The following SKA2 variants were observed in gnomAD, a reference collection of about 807,000 sequenced individuals.
SKA2 encodes the protein spindle and kinetochore-associated protein 2.
Under a neutral mutation model 16.9 loss-of-function variants are expected in SKA2, and 13 were observed. The ratio of observed to expected loss-of-function variants is 0.77; its 90% CI spans 0.50 to 1.22. The LOEUF (loss-of-function observed/expected upper bound fraction) is 1.22. Among genes scored for constraint, SKA2 ranks in the 50% most tolerant of loss-of-function variants. SKA2 has a pLI of 0.00. For synonymous variants in SKA2, 47 were observed against 48.5 expected, an observed-to-expected ratio of 0.97 and a Z score of 0.13; for missense variants, 107 against 139.7, an observed-to-expected ratio of 0.77 and a Z score of 1.18.
At chr17:59,139,771 G>GTTTA (rs1025038361) in intron 1 of SKA2, among the ~76,000 whole-genome samples, 3 of 152,102 alleles carry the variant, frequency 2.0e-5, no homozygotes, top group African/African-American at 4.8e-5. Flanking sequence ...TTTAATCTAT[G>GTTTA]TTTACATGGT....
chr17:59,123,580 G>C (rs960919912), intron 2 of SKA2, among the ~76,000 whole-genome samples: 1 of 151,026 alleles, frequency 6.6e-6, no homozygotes, highest in Non-Finnish European at 1.5e-5. Context: ...AAAAAAGTTA[G>C]AATCTTACTC....
chr17:59,137,451 T>G (rs539862961), intron 1 of SKA2, among the ~76,000 whole-genome samples: 1 of 152,200 alleles, frequency 6.6e-6, no homozygotes, highest in Non-Finnish European at 1.5e-5. Context: ...AATAAAAGAA[T>G]TCGGATACAT....
chr17:59,120,150 C>T (rs551769924), intron 2 of SKA2, among the ~76,000 whole-genome samples: 1 of 151,938 alleles, frequency 6.6e-6, no homozygotes, highest in African/African-American at 2.4e-5. Context: ...CCTTGTGATC[C>T]GCCCGCCTCA....
At chr17:59,137,712 T>C (rs774599284) in intron 1 of SKA2, 4 of 504,296 alleles carry the variant, frequency 7.9e-6, no homozygotes, top group South Asian at 6.4e-5. Flanking sequence ...CCTTGTTTTC[T>C]TCCTAAAGAT....
intron 2 of SKA2, among the ~76,000 whole-genome samples, chr17:59,127,684 G>C (rs2147803334): frequency 6.6e-6 from 1 of 151,792 alleles, no homozygotes; most frequent in East Asian, 2.0e-4. Flanking sequence ...ACCACACCCA[G>C]CCCACAATTT....
intron 1 of SKA2, among the ~76,000 whole-genome samples, chr17:59,138,116 C>G (rs776822320): frequency 1.3e-5 from 2 of 151,768 alleles, no homozygotes; most frequent in African/African-American, 2.4e-5. Context: ...ATTTCAGAAA[C>G]CAGTTTTCTC....
chr17:59,140,777 ATTTTT>A (rs34547204), intron 1 of SKA2, among the ~76,000 whole-genome samples: 15 of 129,932 alleles, frequency 1.2e-4, no homozygotes, highest in African/African-American at 4.3e-4. Context: ...CACCCGCCTA[ATTTTT>A]TTTTTTTTTT....
intron 2 of SKA2, among the ~76,000 whole-genome samples, chr17:59,122,739 A>G (rs1056172576): frequency 6.6e-6 from 1 of 152,106 alleles, no homozygotes; most frequent in African/African-American, 2.4e-5. Flanking sequence ...GCCGTAAGCC[A>G]TGGTCACAGA....
Position 59,131,398 on chromosome 17 carries a change from A to T in SKA2, c.34-31T>A, listed in dbSNP as rs748299932. The T allele has an allele frequency of 2.1e-6, 3 of 1,414,306 alleles. No individual in the cohort carries two copies. In the South Asian group the frequency reaches 4.4e-5, roughly 21 times the overall value. 87.6% of individuals were successfully genotyped at this position (1,414,306 alleles called of 1,614,324 possible). A position where few individuals can be genotyped will look rare whatever the true frequency, so the allele number is the denominator to read the frequency against. ...GATCAGCACAAATCATTATTGTGTA[A>T]ACCAAAAGACTAATAGTAAACATGA... On this transcript the variant is annotated intron_variant, in intron 1 of 3. Coordinates refer to ENST00000330137, the MANE Select transcript of SKA2 (RefSeq NM_182620.4).
chr17:59,126,448 G>A (rs1303007116), intron 2 of SKA2, among the ~76,000 whole-genome samples: 1 of 152,078 alleles, frequency 6.6e-6, no homozygotes, highest in Non-Finnish European at 1.5e-5. Context: ...ACACCACAGT[G>A]GCTGGCACAT....
intron 1 of SKA2, among the ~76,000 whole-genome samples, chr17:59,132,938 T>C (rs1226207955): frequency 1.3e-5 from 2 of 152,214 alleles, no homozygotes; most frequent in Non-Finnish European, 2.9e-5. Flanking sequence ...TGTATACATA[T>C]ACAAAGTTGA....
chr17:59,131,238 G>C (rs2046409857), intron 2 of SKA2, 43 bp downstream of exon 2: 2 of 1,423,244 alleles, frequency 1.4e-6, no homozygotes, highest in African/African-American at 2.8e-5. Context: ...AAAGTATTCA[G>C]TTAAGGCTGA....
At chr17:59,141,512 G>C (rs1181914010) in intron 1 of SKA2, among the ~76,000 whole-genome samples, 1 of 152,034 alleles carries the variant, frequency 6.6e-6, no homozygotes, top group African/African-American at 2.4e-5. Context: ...GATCACTTGA[G>C]CCCAGGAGTT....
intron 1 of SKA2, among the ~76,000 whole-genome samples, chr17:59,137,247 A>G (rs1457900687): frequency 6.6e-6 from 1 of 152,162 alleles, no homozygotes; most frequent in Non-Finnish European, 1.5e-5. Flanking sequence ...TGAACTCCTG[A>G]GCTCAAACAA....
At chr17:59,148,091 C>T (rs542605032) in intron 1 of SKA2, among the ~76,000 whole-genome samples, 52 of 152,102 alleles carry the variant, frequency 3.4e-4, no homozygotes, top group Non-Finnish European at 6.6e-4. Context: ...CTGCCCGCTT[C>T]GGCCTCCCAA....
intron 1 of SKA2, among the ~76,000 whole-genome samples, chr17:59,145,783 GT>G: frequency 6.6e-6 from 1 of 152,190 alleles, no homozygotes; most frequent in East Asian, 1.9e-4. Context: ...GAGTCCAGGA[GT>G]TGGAGACCAG....
chr17:59,130,457 C>CAAAAAAAA (rs569934567), intron 2 of SKA2, among the ~76,000 whole-genome samples: 618 of 70,290 alleles, frequency 8.8e-3, no homozygotes, highest in African/African-American at 0.016. Flanking sequence ...ACTAAAAATA[C>CAAAAAAAA]AAAAAAAAAA....
intron 1 of SKA2, among the ~76,000 whole-genome samples, chr17:59,132,628 A>G (rs2046419104): frequency 1.3e-5 from 2 of 152,220 alleles, no homozygotes; most frequent in South Asian, 4.1e-4. Context: ...TGGCCACTGC[A>G]CTCCTGCCTG....
intron 1 of SKA2, among the ~76,000 whole-genome samples, chr17:59,148,465 C>T (rs865785190): frequency 4.6e-5 from 7 of 151,778 alleles, no homozygotes; most frequent in Non-Finnish European, 8.8e-5. Context: ...GTCAATAGGC[C>T]GGAGTGCAGT....
Sources: allele counts gnomAD v4.1 joint callset (sites outside exome capture counted in the v4.1 genomes callset), GRCh38; gene constraint gnomAD v4.1.1; transcripts MANE v1.5; gene names NCBI Gene and HGNC (gene_info 2026-07-23, HGNC 2026-07-21).